The following SULT2B1 variants were observed in gnomAD, a reference collection of about 807,000 sequenced individuals.
The protein encoded by SULT2B1 is sulfotransferase family 2B member 1, also known as sulfotransferase 2B1.
Under a neutral mutation model 33.2 loss-of-function variants are expected in SULT2B1, and 16 were observed. That is an observed-to-expected ratio of 0.48 (90% CI 0.33 to 0.73). The LOEUF (loss-of-function observed/expected upper bound fraction) is 0.73. Among genes scored for constraint, SULT2B1 ranks in the 30% least tolerant of loss-of-function variants. The pLI, the probability that SULT2B1 is intolerant of heterozygous loss-of-function variation, is 0.02. For missense variants in SULT2B1, 500 were observed against 506.0 expected, an observed-to-expected ratio of 0.99 and a Z score of 0.11; for synonymous variants, 186 against 200.5, an observed-to-expected ratio of 0.93 and a Z score of 0.61.
intron 1 of SULT2B1, among the ~76,000 whole-genome samples, chr19:48,555,755 T>C (rs1470056187): frequency 3.9e-5 from 6 of 151,934 alleles, no homozygotes; most frequent in Non-Finnish European, 8.8e-5. Flanking sequence ...TTGTTTTTTT[T>C]TGGAGATGGA....
intron 1 of SULT2B1, among the ~76,000 whole-genome samples, chr19:48,559,739 G>C (rs1159808537): frequency 6.6e-6 from 1 of 150,622 alleles, no homozygotes; most frequent in Non-Finnish European, 1.5e-5. Context: ...CTGGAGTGGA[G>C]GCCCTAAGAG....
chr19:48,573,174 A>T (rs1478791017), intron 1 of SULT2B1, among the ~76,000 whole-genome samples: 5 of 128,872 alleles, frequency 3.9e-5, no homozygotes, highest in Non-Finnish European at 8.4e-5. Context: ...AAAAAAAAAA[A>T]TTTACATGTC....
At position 48,560,565 on chromosome 19, in the gene SULT2B1, C is replaced by T. The variant is rs1055853363; in HGVS notation, c.71+8242C>T. Among the ~76,000 whole-genome samples, 7 of 150,960 alleles carry T rather than the reference C, an allele frequency of 4.6e-5. No individual in the cohort carries two copies. The South Asian group carries it at 6.3e-4, about 13-fold the overall frequency. On this transcript the variant is annotated intron_variant, in intron 1 of 6. Coordinates refer to ENST00000201586, the MANE Select transcript of SULT2B1 (RefSeq NM_177973.2). ...GTGAGCCCATAGGAAAACATTTTCT[C>T]GTAGCCACCTTTTTAAAAAAACAAA...
At chr19:48,554,076 G>A (rs139338181) in intron 1 of SULT2B1, among the ~76,000 whole-genome samples, 5 of 152,122 alleles carry the variant, frequency 3.3e-5, no homozygotes, top group South Asian at 4.1e-4. Context: ...TGCGAAGCTC[G>A]GTTTCGTCAT....
chr19:48,564,057 C>G (rs1287958195), intron 1 of SULT2B1, among the ~76,000 whole-genome samples: 1 of 151,646 alleles, frequency 6.6e-6, no homozygotes, highest in Non-Finnish European at 1.5e-5. Flanking sequence ...TCCTGGCCAA[C>G]ATGGTGAATC....
intron 1 of SULT2B1, among the ~76,000 whole-genome samples, chr19:48,561,524 G>A (rs920025745): frequency 1.8e-4 from 27 of 148,694 alleles, no homozygotes; most frequent in African/African-American, 5.8e-4. Context: ...AGAGAGAGGA[G>A]GTGTTTGAGA....
At chr19:48,588,618 A>G (rs964884874) in intron 3 of SULT2B1, among the ~76,000 whole-genome samples, 1 of 150,034 alleles carries the variant, frequency 6.7e-6, no homozygotes, top group Non-Finnish European at 1.5e-5. Flanking sequence ...ATAATAACAT[A>G]ATGCAATATA....
In SULT2B1 at chr19:48,587,245, C is replaced by G. The variant is rs768213131; in HGVS notation, c.231C>G (p.Ile77Met). The change falls in exon 3 of 7, where the codon ATC (isoleucine) becomes ATG (methionine). Residue 77 changes from isoleucine (I) to methionine (M), a missense_variant. By Grantham distance (10) the Ile-to-Met change is conservative. Transcript: ENST00000201586. ...TYPKSGTTWM[I>M]EIICLILKEG... ...TCCCAACAGGCACGACCTGGATGAT[C>G]GAGATCATCTGCTTAATCCTGAAGG... 2 of 1,612,138 alleles carry G rather than the reference C, an allele frequency of 1.2e-6. No individual in the cohort carries two copies. Among genetic ancestry groups the G allele is most frequent in the South Asian group, 1.1e-5 (1 of 90,900 alleles).
chr19:48,591,818 AGAAAGG>A, intron 4 of SULT2B1, 83 bp downstream of exon 4: 1 of 1,433,790 alleles, frequency 7.0e-7, no homozygotes, highest in South Asian at 1.4e-5. Flanking sequence ...AGGAGGGGTA[AGAAAGG>A]GAGAGAGACA....
intron 2 of SULT2B1, among the ~76,000 whole-genome samples, chr19:48,583,984 C>T (rs748599140): frequency 6.6e-6 from 1 of 152,014 alleles, no homozygotes; most frequent in African/African-American, 2.4e-5. Context: ...TGCTGGCGTG[C>T]GCCTGTAGTC....
At position 48,599,208 on chromosome 19, in the gene SULT2B1, G is replaced by T. The variant is rs1256218216; in HGVS notation, c.900G>T (p.Gln300His). ...CCTTCGATCGTGCCTACCGCAAGCA[G>T]ATGCGGGGGATGCCGACCTTCCCCT... ...SEAFDRAYRK[Q>H]MRGMPTFPWD... Residue 300 changes from glutamine (Q) to histidine (H), a missense_variant, in exon 7 of 7, where the codon CAG (glutamine) becomes CAT (histidine). Transcript: ENST00000201586. The surrounding 1 kb of genome is among the most constrained non-coding windows in gnomAD (Gnocchi z 4.1). 1 of 1,606,426 alleles carries T rather than the reference G, an allele frequency of 6.2e-7. No homozygotes were observed. Among genetic ancestry groups the T allele is most frequent in the Admixed American group, 1.7e-5 (1 of 59,368 alleles).
chr19:48,577,276 T>G (rs976011682), intron 2 of SULT2B1, among the ~76,000 whole-genome samples: 2 of 149,612 alleles, frequency 1.3e-5, no homozygotes, highest in African/African-American at 4.9e-5. Context: ...AGGCTGGTCT[T>G]GAACTCCTGA....
rs577488969 is a variant in SULT2B1 at position 48,554,618 on chromosome 19, C to T, written c.71+2295C>T. Among the ~76,000 whole-genome samples the T allele has an allele frequency of 5.7e-3, 815 of 143,370 alleles. 7 individuals carry two copies. Among genetic ancestry groups the T allele is most frequent in the Non-Finnish European group, 8.8e-3 (579 of 65,748 alleles). The allele number at this position is 143,370 out of a possible 152,430, so 94.1% of individuals were successfully genotyped here. ...GCCCAGCCCTCACCCACCCCGCCCC[C>T]CCAGCCTCCTCACCTGCATTCCAGC... On this transcript the variant is annotated intron_variant, in intron 1 of 6. Coordinates refer to ENST00000201586, the MANE Select transcript of SULT2B1 (RefSeq NM_177973.2).
intron 1 of SULT2B1, among the ~76,000 whole-genome samples, chr19:48,566,495 C>T (rs1050192837): frequency 7.2e-5 from 11 of 152,088 alleles, no homozygotes; most frequent in Admixed American, 1.3e-4. Context: ...GCCAGGAGTT[C>T]GAGACCATCC....
intron 1 of SULT2B1, among the ~76,000 whole-genome samples, chr19:48,569,827 T>G (rs2147606278): frequency 6.6e-6 from 1 of 151,660 alleles, no homozygotes; most frequent in African/African-American, 2.4e-5. Flanking sequence ...CCACCACGCC[T>G]GGCTAATTTT....
intron 1 of SULT2B1, among the ~76,000 whole-genome samples, chr19:48,558,809 T>A (rs1245818677): frequency 6.7e-6 from 1 of 149,970 alleles, no homozygotes; most frequent in African/African-American, 2.5e-5. Context: ...CTCAGCCTCC[T>A]GAGTAGCTGG....
chr19:48,584,158 G>A (rs1973533160), intron 2 of SULT2B1, among the ~76,000 whole-genome samples: 1 of 152,174 alleles, frequency 6.6e-6, no homozygotes, highest in African/African-American at 2.4e-5. Context: ...ATAGGGTGCA[G>A]CCACTTCCTC....
At position 48,599,354 on chromosome 19, in the gene SULT2B1, C is replaced by T; in HGVS notation, c.1046C>T (p.Pro349Leu). Residue 349 changes from proline to leucine, a missense_variant, in exon 7 of 7, where the codon CCC becomes CTC. Transcript: ENST00000201586. This position sits in a 1 kb window ranked among gnomAD's most constrained non-coding sequence, Gnocchi z 4.1. The stretch of plus-strand genomic sequence containing the variant: ...CGTGAGCCCAGACCCAACTCCAGCC[C>T]CAGCCCCAGCCCCGGCCAGGCCTCT... ...LEREPRPNSS[P>L]SPSPGQASET... 6.4e-7 allele frequency: 1 copy of T among 1,573,560 alleles called. No individual in the cohort carries two copies. Among genetic ancestry groups the T allele is most frequent in the Non-Finnish European group, 8.6e-7 (1 of 1,159,388 alleles).
chr19:48,566,159 G>C (rs56365212), intron 1 of SULT2B1, among the ~76,000 whole-genome samples: 19,893 of 151,972 alleles, frequency 0.13, 1,420 homozygotes, highest in African/African-American at 0.16. Flanking sequence ...CTCCTGACCT[G>C]GTGATCTGCC....
Sources: gnomAD v4.1 joint callset for allele counts (sites outside exome capture counted in the v4.1 genomes callset) on GRCh38, gnomAD v4.1.1 for gene constraint, Gnocchi (gnomAD v3.1) non-coding constraint, MANE v1.5 for transcripts, NCBI Gene and HGNC (gene_info 2026-07-23, HGNC 2026-07-21) for gene names.